GAS6: variants seen among roughly 807,000 people sequenced by gnomAD.
GAS6 encodes the protein growth arrest-specific protein 6.
Under a neutral mutation model 75.8 loss-of-function variants are expected in GAS6, and 41 were observed. The ratio of observed to expected loss-of-function variants is 0.54; its 90% CI spans 0.42 to 0.70. GAS6 has a LOEUF of 0.70. Ranked by LOEUF, GAS6 falls within the 30% of genes least tolerant of loss-of-function variation. GAS6 has a pLI of 0.00. For synonymous variants in GAS6, 432 were observed against 412.6 expected (o/e 1.05, Z -0.57); for missense variants, 854 against 940.2 (o/e 0.91, Z 1.20).
chr13:113,823,927 C>T lies in GAS6; in HGVS notation c.1478-377G>A, dbSNP rs138998740. 4.2e-3 allele frequency among the ~76,000 whole-genome samples: 646 copies of T among 152,344 alleles called. 1 individual carries two copies. The highest frequency in any genetic ancestry group is 0.013 in the African/African-American group (520 of 41,580). ...CTGACAGCTCCTTCCTCAGAGCGTGCGTGGCCTCGTGCCTCGCATCTCACC... is the reference window on the plus strand; with the variant it reads ...CTGACAGCTCCTTCCTCAGAGCGTGTGTGGCCTCGTGCCTCGCATCTCACC... On this transcript the variant is annotated intron_variant, in intron 12 of 14. Coordinates refer to ENST00000327773, the MANE Select transcript of GAS6 (RefSeq NM_000820.4).
chr13:113,848,780 G>A lies in GAS6; in HGVS notation c.256-730C>T, dbSNP rs1441000376. Among the ~76,000 whole-genome samples, 1 of 152,176 alleles carries A rather than the reference G, an allele frequency of 6.6e-6. No homozygotes were observed. Among genetic ancestry groups the A allele is most frequent in the East Asian group, 1.9e-4 (1 of 5,196 alleles). On this transcript the variant is annotated intron_variant, in intron 2 of 14. Coordinates refer to ENST00000327773, the MANE Select transcript of GAS6 (RefSeq NM_000820.4). The surrounding 1 kb of genome is among the most constrained non-coding windows in gnomAD (Gnocchi z 4.8). Reference sequence around the variant, plus strand: ...AGTCCCAGCGGCCTCTCCATGCTGGGTATGAGTCAGCATTTTTACACTATT... The same window carrying A: ...AGTCCCAGCGGCCTCTCCATGCTGGATATGAGTCAGCATTTTTACACTATT...
chr13:113,848,197 G>T lies in GAS6; in HGVS notation c.256-147C>A. 1 of 768,754 alleles carries T rather than the reference G, an allele frequency of 1.3e-6. No individual in the cohort carries two copies. Among genetic ancestry groups the T allele is most frequent in the East Asian group, 2.5e-5 (1 of 39,752 alleles). The allele number at this position is 768,754 out of a possible 1,614,324, so 47.6% of individuals were successfully genotyped here. ...CCGGGGAACTGAGGGGAAGTGACCGGGGCACGACTGCTGTGAGACCAACAA... is the reference window on the plus strand; with the variant it reads ...CCGGGGAACTGAGGGGAAGTGACCGTGGCACGACTGCTGTGAGACCAACAA... On this transcript the variant is annotated intron_variant, in intron 2 of 14. Coordinates refer to ENST00000327773, the MANE Select transcript of GAS6 (RefSeq NM_000820.4). This position sits in a 1 kb window ranked among gnomAD's most constrained non-coding sequence, Gnocchi z 4.8.
At chr13:113,834,731 G>T in intron 7 of GAS6, 59 bp from the exon 8 acceptor site, 1 of 1,374,412 alleles carries the variant, frequency 7.3e-7, no homozygotes, top group Non-Finnish European at 9.5e-7. Context: ...TCCCGCCGTG[G>T]GATCACACCG....
At chr13:113,826,409 CGGCCTCCCGGCGCTGGCCTCG>C (rs2051540264) in intron 12 of GAS6, among the ~76,000 whole-genome samples, 2 of 146,990 alleles carry the variant, frequency 1.4e-5, no homozygotes, top group African/African-American at 5.2e-5. Context: ...CTTCTCTCCC[CGGCCTCCCGGCGCTGGCCTCG>C]CAGGCACCTT....
At chr13:113,859,136 C>T (rs2051946751) in intron 2 of GAS6, among the ~76,000 whole-genome samples, 1 of 146,044 alleles carries the variant, frequency 6.8e-6, no homozygotes, top group African/African-American at 2.5e-5. Flanking sequence ...TTACATATGT[C>T]TATGTGAATG....
Position 113,827,167 on chromosome 13 carries a change from G to T in GAS6, c.1309-3C>A. Reference sequence around the variant, plus strand: ...CAGCCATCCAGACGAGGGTTTATCTGGAAAGGCAGAGAAATCTCCGTGGCT... The same window carrying T: ...CAGCCATCCAGACGAGGGTTTATCTTGAAAGGCAGAGAAATCTCCGTGGCT... On this transcript the variant is annotated splice_polypyrimidine_tract_variant and splice_region_variant and intron_variant, in intron 11 of 14. Coordinates refer to ENST00000327773, the MANE Select transcript of GAS6 (RefSeq NM_000820.4). The T allele has an allele frequency of 6.2e-7, 1 of 1,609,728 alleles. No individual in the cohort carries two copies. The highest frequency in any genetic ancestry group is 8.5e-7 in the Non-Finnish European group (1 of 1,177,574).
intron 3 of GAS6, 138 bp downstream of exon 3, chr13:113,847,888 C>T (rs549546725): frequency 2.3e-5 from 18 of 797,274 alleles, no homozygotes; most frequent in Middle Eastern, 2.3e-4. Flanking sequence ...CTGCATGTTC[C>T]GGACAGTTCC....
At chr13:113,838,028 GGGAGA>G in intron 6 of GAS6, 36 bp downstream of exon 6, 1 of 1,606,532 alleles carries the variant, frequency 6.2e-7, no homozygotes, top group Non-Finnish European at 8.5e-7. Context: ...ATAGAAGGTG[GGGAGA>G]GGAGAGAGGA....
In GAS6 at chr13:113,845,327, C is replaced by T. The variant is rs2051825433; in HGVS notation, c.343+1200G>A. The T allele has an allele frequency of 6.7e-6, 1 of 150,204 alleles. No individual in the cohort carries two copies. Among genetic ancestry groups the T allele is most frequent in the African/African-American group, 2.5e-5 (1 of 39,674 alleles). 9.3% of individuals were successfully genotyped at this position (150,204 alleles called of 1,614,324 possible). On this transcript the variant is annotated intron_variant, in intron 4 of 14. Transcript: ENST00000327773. This position sits in a 1 kb window ranked among gnomAD's most constrained non-coding sequence, Gnocchi z 4.3. ...TCTGACTCCTTCTGCTGACTGGGAT[C>T]CAGCTCCAAAGCCATGCCTGGGAAG... is the stretch of plus-strand genomic sequence containing the variant.
intron 4 of GAS6, chr13:113,841,610 G>A (rs1189344831): frequency 2.8e-5 from 4 of 145,352 alleles, no homozygotes; most frequent in Non-Finnish European, 4.2e-5. Flanking sequence ...CATATGCCCA[G>A]TTTCCTCCAT....
chr13:113,835,375 G>A (rs1005935833), intron 7 of GAS6, 138 bp downstream of exon 7: 2 of 1,033,622 alleles, frequency 1.9e-6, no homozygotes, highest in African/African-American at 3.2e-5. Flanking sequence ...GCCATTACCA[G>A]GCTGATAGAA....
At position 113,839,758 on chromosome 13, in the gene GAS6, C is replaced by G. The variant is rs765707987; in HGVS notation, c.436G>C (p.Ala146Pro). ...TCGCAGAGCCGGCCCCCCCAGCCAG[C>G]TTTACACAGGCAGAAGAAGTTGCCC... ...LMGNFFCLCK[A>P]GWGGRLCDKD... Residue 146 changes from alanine (A) to proline (P), a missense_variant, in exon 5 of 15, where the codon GCT becomes CCT. Transcript: ENST00000327773. 13 of 1,614,012 alleles carry G rather than the reference C, an allele frequency of 8.1e-6. No individual in the cohort carries two copies. In the South Asian group the frequency reaches 1.4e-4, roughly 18 times the overall value.
At chr13:113,846,121 G>A (rs564404098) in intron 4 of GAS6, among the ~76,000 whole-genome samples, 28 of 152,388 alleles carry the variant, frequency 1.8e-4, no homozygotes, top group Non-Finnish European at 3.4e-4. Flanking sequence ...AGGGTCTCCT[G>A]TGCAGACAGA....
intron 2 of GAS6, among the ~76,000 whole-genome samples, chr13:113,852,838 G>A (rs886189434): frequency 1.1e-4 from 17 of 152,230 alleles, no homozygotes; most frequent in East Asian, 7.7e-4. Flanking sequence ...AGGGCACTGC[G>A]GTTCTCACGC....
chr13:113,832,818 G>A (rs750213536), intron 8 of GAS6, 66 bp from the exon 9 acceptor site: 19 of 1,606,336 alleles, frequency 1.2e-5, no homozygotes, highest in African/African-American at 5.3e-5. Context: ...TGAGCCCCAC[G>A]CCCCGGCCGC....
chr13:113,847,386 GA>G, intron 3 of GAS6, among the ~76,000 whole-genome samples: 1 of 152,202 alleles, frequency 6.6e-6, no homozygotes, highest in Non-Finnish European at 1.5e-5. Flanking sequence ...GAAGACCCTG[GA>G]ATACATTTCT....
At chr13:113,858,635 G>C (rs961752816) in intron 2 of GAS6, among the ~76,000 whole-genome samples, 6 of 110,936 alleles carry the variant, frequency 5.4e-5, no homozygotes, top group Non-Finnish European at 8.3e-5. Context: ...ATGCATGTCT[G>C]TGTGTTTGTG....
intron 14 of GAS6, chr13:113,821,706 GT>G: frequency 2.0e-6 from 1 of 503,294 alleles, no homozygotes; most frequent in Non-Finnish European, 3.5e-6. Context: ...GAAGATGCAG[GT>G]TCGTGGGGCC....
chr13:113,823,268 G>A (rs1250782119), intron 13 of GAS6, 107 bp downstream of exon 13: 2 of 1,250,904 alleles, frequency 1.6e-6, no homozygotes, highest in African/African-American at 3.0e-5. Flanking sequence ...GGCTTTGGGG[G>A]TCCCTGGGGA....
Sources: allele counts gnomAD v4.1 joint callset (sites outside exome capture counted in the v4.1 genomes callset), GRCh38; gene constraint gnomAD v4.1.1; non-coding constraint Gnocchi (gnomAD v3.1); transcripts MANE v1.5; gene names NCBI Gene and HGNC (gene_info 2026-07-23, HGNC 2026-07-21).